ADGRA3: variants seen among roughly 807,000 people sequenced by gnomAD.
The protein encoded by ADGRA3 is adhesion G protein-coupled receptor A3.
A neutral mutation model predicts 119.8 loss-of-function variants in ADGRA3; 56 were observed. The ratio of observed to expected loss-of-function variants is 0.47; its 90% CI spans 0.38 to 0.58. The LOEUF is 0.58. Among genes scored for constraint, ADGRA3 ranks in the 20% least tolerant of loss-of-function variants. The pLI, the probability that ADGRA3 is intolerant of heterozygous loss-of-function variation, is 0.00. For missense variants in ADGRA3, 1,516 were observed against 1,649.0 expected, an observed-to-expected ratio of 0.92 and a Z score of 1.40; for synonymous variants, 607 against 623.8, an observed-to-expected ratio of 0.97 and a Z score of 0.40.
At position 22,435,370 on chromosome 4, in the gene ADGRA3, A is replaced by G; in HGVS notation, c.1384T>C (p.Phe462Leu). ...AATTTTTCAATCATTTCTGCCACAA[A>G]TATAACATCCATTTTGTCAGAAAAG... ...ANFSDKMDVI[F>L]VAEMIEKFGR... The change falls in exon 10 of 19, where the codon TTT becomes CTT. Residue 462 changes from phenylalanine (F) to leucine (L), a missense_variant. This residue lies in a region of ADGRA3 where 1,088 missense variants were observed against 1,107.1 expected (regional missense o/e 0.98). Coordinates refer to ENST00000334304, the MANE Select transcript of ADGRA3 (RefSeq NM_145290.4). 1 of 1,613,552 alleles carries G rather than the reference A, an allele frequency of 6.2e-7. No individual in the cohort carries two copies. Among genetic ancestry groups the G allele is most frequent in the Non-Finnish European group, 8.5e-7 (1 of 1,179,572 alleles).
rs1717624728 is a variant in ADGRA3, at chr4:22,465,535, C to G, written c.330-3727G>C. On this transcript the variant is annotated intron_variant, in intron 2 of 18. Transcript: ENST00000334304. ...AAAAATGGTGAGCCCCTGGATCCAGCCAAGCCTGAAATCCACCTCTAACTC... is the reference window on the plus strand; with the variant it reads ...AAAAATGGTGAGCCCCTGGATCCAGGCAAGCCTGAAATCCACCTCTAACTC... Among the ~76,000 whole-genome samples the G allele has an allele frequency of 1.3e-5, 2 of 152,124 alleles. 1 individual carries two copies. Among genetic ancestry groups the G allele is most frequent in the South Asian group, 4.1e-4 (2 of 4,822 alleles).
Position 22,511,138 on chromosome 4 carries a change from G to A in ADGRA3, c.257+4390C>T, listed in dbSNP as rs1204768643. Among the ~76,000 whole-genome samples, 10 of 152,188 alleles carry A rather than the reference G, an allele frequency of 6.6e-5. No individual in the cohort carries two copies. The East Asian group carries it at 1.9e-3, about 29-fold the overall frequency. ...TGTTTTATATTTTTATTTGTCTAGA[G>A]TCACCAAGTAGCATCACGAGGAACC... On this transcript the variant is annotated intron_variant, in intron 1 of 18. Coordinates refer to ENST00000334304, the MANE Select transcript of ADGRA3 (RefSeq NM_145290.4).
At chr4:22,416,490 G>C (rs1715435406) in intron 12 of ADGRA3, among the ~76,000 whole-genome samples, 1 of 152,124 alleles carries the variant, frequency 6.6e-6, no homozygotes, top group Non-Finnish European at 1.5e-5. Context: ...ACCTCTCTGA[G>C]TCTCATCTGT....
chr4:22,428,868 C>G (rs1242261769), intron 10 of ADGRA3, among the ~76,000 whole-genome samples: 4 of 152,116 alleles, frequency 2.6e-5, no homozygotes, highest in Non-Finnish European at 5.9e-5. Context: ...CAATCATCAT[C>G]AGGGTTATGG....
At chr4:22,421,243 A>AT (rs1715666259) in intron 11 of ADGRA3, among the ~76,000 whole-genome samples, 154 bp from the exon 12 acceptor site, 2 of 151,632 alleles carry the variant, frequency 1.3e-5, no homozygotes, top group African/African-American at 2.4e-5. Context: ...AACTGGCAGA[A>AT]TAAAAAAAAA....
intron 11 of ADGRA3, among the ~76,000 whole-genome samples, chr4:22,423,918 A>G (rs1372025367): frequency 2.0e-5 from 3 of 152,258 alleles, no homozygotes; most frequent in Non-Finnish European, 4.4e-5. Flanking sequence ...AGTTCCCAAG[A>G]AAACATTACT....
At chr4:22,435,550 C>G (rs1381425113) in intron 9 of ADGRA3, 84 bp from the exon 10 acceptor site, 1 of 1,205,040 alleles carries the variant, frequency 8.3e-7, no homozygotes, top group Non-Finnish European at 1.2e-6. Flanking sequence ...CTTTGCATTT[C>G]AAAACAGCAA....
At chr4:22,466,189 C>T (rs1390369270) in intron 2 of ADGRA3, among the ~76,000 whole-genome samples, 1 of 152,188 alleles carries the variant, frequency 6.6e-6, no homozygotes, top group Non-Finnish European at 1.5e-5. Flanking sequence ...ACCTTTCCTT[C>T]ACCAACTCTC....
intron 10 of ADGRA3, among the ~76,000 whole-genome samples, chr4:22,425,459 T>C (rs1281843998): frequency 6.6e-6 from 1 of 152,162 alleles, no homozygotes; most frequent in Non-Finnish European, 1.5e-5. Context: ...GAGAAATAAA[T>C]TGAACCGTCT....
intron 3 of ADGRA3, among the ~76,000 whole-genome samples, chr4:22,460,681 T>G (rs1207630653): frequency 6.6e-6 from 1 of 152,246 alleles, no homozygotes; most frequent in Non-Finnish European, 1.5e-5. Context: ...TTTTGAGAAT[T>G]ACTCTTTTCC....
At chr4:22,496,521 T>C (rs566427068) in intron 1 of ADGRA3, among the ~76,000 whole-genome samples, 2 of 152,320 alleles carry the variant, frequency 1.3e-5, no homozygotes, top group African/African-American at 4.8e-5. Flanking sequence ...GCAACCAGCA[T>C]TTTTCCTCAA....
intron 3 of ADGRA3, among the ~76,000 whole-genome samples, chr4:22,456,615 C>T (rs1466239149): frequency 1.3e-5 from 2 of 152,166 alleles, no homozygotes; most frequent in Non-Finnish European, 2.9e-5. Context: ...CTAAGGCTTC[C>T]AGACTTTGAT....
intron 10 of ADGRA3, among the ~76,000 whole-genome samples, chr4:22,425,481 G>C (rs1408438879): frequency 1.3e-5 from 2 of 152,206 alleles, no homozygotes; most frequent in Non-Finnish European, 2.9e-5. Context: ...GGGCTAATGA[G>C]ACGTACTGGT....
chr4:22,473,468 C>G (rs1245704689), intron 2 of ADGRA3, among the ~76,000 whole-genome samples: 1 of 152,150 alleles, frequency 6.6e-6, no homozygotes, highest in African/African-American at 2.4e-5. Flanking sequence ...TTTATCATTC[C>G]TAAGTATTGT....
chr4:22,460,147 G>A (rs1717391135), intron 3 of ADGRA3, among the ~76,000 whole-genome samples: 1 of 152,126 alleles, frequency 6.6e-6, no homozygotes, highest in Admixed American at 6.6e-5. Flanking sequence ...TCTCATGGCA[G>A]GCTGTTCCCA....
intron 6 of ADGRA3, chr4:22,443,108 C>A (rs1307633112): frequency 1.5e-5 from 10 of 679,628 alleles, no homozygotes; most frequent in Non-Finnish European, 2.6e-5. Flanking sequence ...TCAGTGGCAT[C>A]CTAAGAGTAT....
At chr4:22,410,192 G>A (rs2109019304) in intron 14 of ADGRA3, among the ~76,000 whole-genome samples, 1 of 152,180 alleles carries the variant, frequency 6.6e-6, no homozygotes, top group East Asian at 1.9e-4. Context: ...CAACAAAAGA[G>A]GAATCAATGT....
chr4:22,472,395 G>A (rs1310554588), intron 2 of ADGRA3, among the ~76,000 whole-genome samples: 1 of 152,172 alleles, frequency 6.6e-6, no homozygotes, highest in South Asian at 2.1e-4. Flanking sequence ...ATGAAGGACC[G>A]CCCTTAGCTT....
chr4:22,437,628 G>A (rs1432517427), intron 8 of ADGRA3, among the ~76,000 whole-genome samples: 1 of 152,098 alleles, frequency 6.6e-6, no homozygotes. Context: ...GTCATCTCTT[G>A]CAAATCCTAA....
Sources: gnomAD v4.1 joint callset for allele counts (sites outside exome capture counted in the v4.1 genomes callset) on GRCh38, gnomAD v4.1.1 for gene constraint, gnomAD v4.1.1 regional missense constraint, MANE v1.5 for transcripts, NCBI Gene and HGNC (gene_info 2026-07-23, HGNC 2026-07-21) for gene names.